Variants in ATM observed in about 807,000 individuals in gnomAD.
ATM encodes the protein serine-protein kinase ATM.
In ATM, 308 loss-of-function variants were observed where a neutral mutation model predicts 387.0. The observed-to-expected ratio is 0.80, with a 90% CI of 0.73 to 0.87. The LOEUF is 0.87. Ranked by LOEUF, ATM falls within the 40% of genes least tolerant of loss-of-function variation. The probability of loss-of-function intolerance (pLI) is 0.00; values close to 1 mark genes in which losing one functional copy is unlikely to be tolerated. For synonymous variants in ATM, 1,156 were observed against 1,187.3 expected, an observed-to-expected ratio of 0.97 and a Z score of 0.54; for missense variants, 3,312 against 3,560.9, an observed-to-expected ratio of 0.93 and a Z score of 1.78.
At chr11:108,258,710 G>A (rs1349213174) in intron 15 of ATM, among the ~76,000 whole-genome samples, 1 of 152,034 alleles carries the variant, frequency 6.6e-6, no homozygotes, top group Non-Finnish European at 1.5e-5. Context: ...GTGTAAGTGG[G>A]GAAGGAGAAA....
At chr11:108,327,844 A>T in intron 48 of ATM, 86 bp downstream of exon 48, 6 of 1,053,066 alleles carry the variant, frequency 5.7e-6, no homozygotes, top group Non-Finnish European at 8.7e-6. Context: ...TTTCCAAAGC[A>T]AATAAAAGTA....
At chr11:108,332,060 C>G (rs2136531597) in intron 52 of ATM, 23 bp downstream of exon 52, 2 of 1,611,672 alleles carry the variant, frequency 1.2e-6, no homozygotes, top group South Asian at 2.2e-5. Context: ...AACATACGTA[C>G]CTTTTAGAAG....
chr11:108,287,769 A>T lies in ATM; in HGVS notation c.4109+54A>T, dbSNP rs181020146. 1.9e-4 allele frequency: 250 copies of T among 1,283,944 alleles called. 1 individual carries two copies. The highest frequency in any genetic ancestry group is 9.9e-4 in the Admixed American group (57 of 57,654). 79.5% of individuals were successfully genotyped at this position (1,283,944 alleles called of 1,614,324 possible). On this transcript the variant is annotated intron_variant, in intron 27 of 62. Coordinates refer to ENST00000675843, the MANE Select transcript of ATM (RefSeq NM_000051.4). ...GCTCTAACTTCACAAGTTTTTAAAG[A>T]AGTTTATTGGTTGACACCTTCAATG...
intron 37 of ATM, among the ~76,000 whole-genome samples, chr11:108,305,732 G>C (rs1366676681): frequency 1.3e-5 from 2 of 151,936 alleles, no homozygotes; most frequent in African/African-American, 4.8e-5. Context: ...CTCATGCCAA[G>C]AGCATAATAG....
chr11:108,332,310 T>C (rs2086348921), intron 52 of ATM, among the ~76,000 whole-genome samples: 1 of 152,064 alleles, frequency 6.6e-6, no homozygotes, highest in South Asian at 2.1e-4. Flanking sequence ...TGGGCACCTG[T>C]AGTCCCAGCT....
At chr11:108,308,584 T>G (rs1349651223) in intron 38 of ATM, 1 of 195,172 alleles carries the variant, frequency 5.1e-6, no homozygotes, top group Non-Finnish European at 1.1e-5. Context: ...GAGTACTGCT[T>G]GAGAGTTGAC....
chr11:108,342,464 G>T (rs1475456404), intron 56 of ATM, among the ~76,000 whole-genome samples: 1 of 152,006 alleles, frequency 6.6e-6, no homozygotes, highest in Non-Finnish European at 1.5e-5. Flanking sequence ...AACTATTTGT[G>T]TACATATAGC....
chr11:108,359,713 A>G (rs1184956793), intron 61 of ATM, among the ~76,000 whole-genome samples: 1 of 152,154 alleles, frequency 6.6e-6, no homozygotes, highest in East Asian at 1.9e-4. Context: ...ACATAATGAA[A>G]TGAAGGCAGA....
intron 7 of ATM, 98 bp from the exon 8 acceptor site, chr11:108,246,866 A>G: frequency 2.0e-6 from 2 of 976,116 alleles, no homozygotes; most frequent in Non-Finnish European, 1.6e-6. Flanking sequence ...GGTGTCTTCT[A>G]ACGCTGATGC....
At position 108,294,913 on chromosome 11, in the gene ATM, A is replaced by G. The variant is rs1301289915; in HGVS notation, c.4777-14A>G. The G allele has an allele frequency of 1.9e-6, 3 of 1,613,212 alleles. No individual in the cohort carries two copies. The highest frequency in any genetic ancestry group is 2.2e-5 in the South Asian group (2 of 91,026). ...CCAATACGTGTTAAAAGCAAGTTAC[A>G]TTTTCTCTTTTAGGAAATTAACCAT... On this transcript the variant is annotated splice_polypyrimidine_tract_variant and intron_variant, in intron 31 of 62. Coordinates refer to ENST00000675843, the MANE Select transcript of ATM (RefSeq NM_000051.4).
chr11:108,321,192 G>C, intron 44 of ATM, 109 bp from the exon 45 acceptor site: 11 of 1,401,512 alleles, frequency 7.8e-6, no homozygotes, highest in Non-Finnish European at 8.9e-6. Flanking sequence ...AGTATTATTA[G>C]ATCAGTAGCA....
In ATM at chr11:108,321,296, A is replaced by G. The variant is rs755177899; in HGVS notation, c.6453-5A>G. ...TTCAGAGTGTCTTTTCTTTTTTGCT[A>G]CTAGAGTAAAAGAAGTGGAAGAGAT... On this transcript the variant is annotated splice_polypyrimidine_tract_variant and splice_region_variant and intron_variant, in intron 44 of 62. Transcript: ENST00000675843. 2 of 1,613,884 alleles carry G rather than the reference A, an allele frequency of 1.2e-6. No individual in the cohort carries two copies. Among genetic ancestry groups the G allele is most frequent in the East Asian group, 4.5e-5 (2 of 44,878 alleles).
At position 108,335,052 on chromosome 11, in the gene ATM, A is replaced by G. The variant is rs786203569; in HGVS notation, c.8094A>G (p.Leu2698=). The change falls in exon 55 of 63, where the codon TTA becomes TTG. Residue 2698 remains leucine (L), a synonymous_variant. Transcript: ENST00000675843. ...AEFRLAGGVN[L]PKIIDCVGSD... is the part of the protein sequence containing the mutation. The stretch of plus-strand genomic sequence containing the variant: ...TTCGCTTAGCAGGAGGTGTAAATTT[A>G]CCAAAAATAATAGATTGTGTAGGTT... 3 of 1,614,144 alleles carry G rather than the reference A, an allele frequency of 1.9e-6. No individual in the cohort carries two copies. Among genetic ancestry groups the G allele is most frequent in the Middle Eastern group, 1.6e-4 (1 of 6,062 alleles).
rs534864280 is a variant in ATM at position 108,284,314 on chromosome 11, C to T, written c.3834C>T (p.Asp1278=). ...CCATTGCTAATCAGATTCAAGAGGA[C>T]TGGAAAAGTCTTCTAACAGACTGCT... is the stretch of plus-strand genomic sequence containing the variant. ...VKSIANQIQE[D]WKSLLTDCFP... is the part of the protein sequence containing the mutation. Residue 1278 remains aspartate (D), a synonymous_variant, in exon 26 of 63, where the codon GAC becomes GAT. Coordinates refer to ENST00000675843, the MANE Select transcript of ATM (RefSeq NM_000051.4). 1.9e-6 allele frequency: 3 copies of T among 1,613,932 alleles called. No individual in the cohort carries two copies. Among genetic ancestry groups the T allele is most frequent in the South Asian group, 1.1e-5 (1 of 91,078 alleles).
intron 9 of ATM, among the ~76,000 whole-genome samples, chr11:108,249,429 A>G (rs2080021647): frequency 6.6e-6 from 1 of 152,244 alleles, no homozygotes; most frequent in South Asian, 2.1e-4. Flanking sequence ...AGATTTTAGC[A>G]TACGTAGCAC....
At chr11:108,354,449 T>C (rs1306792971) in intron 60 of ATM, among the ~76,000 whole-genome samples, 4 of 152,226 alleles carry the variant, frequency 2.6e-5, no homozygotes, top group African/African-American at 9.6e-5. Context: ...CAGTTCCTTG[T>C]AGTTTTCCCA....
chr11:108,266,514 T>C (rs866792029), intron 16 of ATM, among the ~76,000 whole-genome samples: 106 of 144,406 alleles, frequency 7.3e-4, no homozygotes, highest in South Asian at 1.9e-3. Flanking sequence ...AGGGATAGCA[T>C]TGGGAGATAT....
In ATM at chr11:108,284,485, A is replaced by G. The variant is rs1057520703; in HGVS notation, c.3993+12A>G. The G allele has an allele frequency of 6.2e-7, 1 of 1,613,630 alleles. No homozygotes were observed. The highest frequency in any genetic ancestry group is 8.5e-7 in the Non-Finnish European group (1 of 1,179,694). On this transcript the variant is annotated intron_variant, in intron 26 of 62. Coordinates refer to ENST00000675843, the MANE Select transcript of ATM (RefSeq NM_000051.4). ...TATTGGGAAAACAGGTATGGCTTCA[A>G]TTTTTATGTACTTTTCATTCCCTGA...
At chr11:108,318,281 G>T (rs1426268921) in intron 43 of ATM, among the ~76,000 whole-genome samples, 1 of 151,902 alleles carries the variant, frequency 6.6e-6, no homozygotes, top group African/African-American at 2.4e-5. Context: ...AGAATTGCTA[G>T]AACACGGGAG....
Sources: allele counts gnomAD v4.1 joint callset (sites outside exome capture counted in the v4.1 genomes callset), GRCh38; gene constraint gnomAD v4.1.1; transcripts MANE v1.5; gene names NCBI Gene and HGNC (gene_info 2026-07-23, HGNC 2026-07-21).